SNTG1: variants seen among roughly 807,000 people sequenced by gnomAD.
The protein encoded by SNTG1 is gamma-1-syntrophin.
SNTG1 carries 39 observed loss-of-function variants against 74.7 expected under a neutral mutation model. The ratio of observed to expected loss-of-function variants is 0.52; its 90% CI spans 0.40 to 0.68. SNTG1 has a LOEUF of 0.68. SNTG1 is among the 30% of genes least tolerant of loss of function. SNTG1 has a pLI of 0.00. For missense variants in SNTG1, 685 were observed against 609.5 expected, an observed-to-expected ratio of 1.12 and a Z score of -1.30; for synonymous variants, 254 against 217.1, an observed-to-expected ratio of 1.17 and a Z score of -1.49.
intron 1 of SNTG1, among the ~76,000 whole-genome samples, chr8:50,143,365 C>T (rs1434949194): frequency 1.3e-5 from 2 of 152,112 alleles, no homozygotes; most frequent in Admixed American, 1.3e-4. Flanking sequence ...GTTCCTTATC[C>T]TCCCTTGGCA....
At chr8:50,163,416 T>TG (rs1435360418) in intron 1 of SNTG1, 2 of 139,622 alleles carry the variant, frequency 1.4e-5, no homozygotes, top group African/African-American at 5.5e-5. Context: ...TAATTCCAAG[T>TG]TTTTTTTTTT....
At chr8:50,151,252 G>A (rs2082058453) in intron 1 of SNTG1, among the ~76,000 whole-genome samples, 1 of 152,010 alleles carries the variant, frequency 6.6e-6, no homozygotes, top group East Asian at 1.9e-4. Context: ...GGAATTGGTG[G>A]TGATATCCCC....
At chr8:50,437,764 C>T (rs2093319327) in intron 4 of SNTG1, among the ~76,000 whole-genome samples, 1 of 152,160 alleles carries the variant, frequency 6.6e-6, no homozygotes, top group African/African-American at 2.4e-5. Context: ...TAGCATGCCT[C>T]CGCAGTAAGC....
At chr8:50,704,889 C>T in intron 16 of SNTG1, 137 bp downstream of exon 16, 1 of 1,022,320 alleles carries the variant, frequency 9.8e-7, no homozygotes, top group Non-Finnish European at 1.4e-6. Flanking sequence ...TATAATTAGC[C>T]ATTTTTGTTT....
At chr8:50,584,872 T>C (rs983553494) in intron 12 of SNTG1, among the ~76,000 whole-genome samples, 3 of 152,120 alleles carry the variant, frequency 2.0e-5, no homozygotes, top group South Asian at 2.1e-4. Flanking sequence ...TGCTGTGTTG[T>C]GCTGAACAGC....
chr8:50,711,265 T>A (rs1172265705), intron 17 of SNTG1, among the ~76,000 whole-genome samples: 2 of 152,206 alleles, frequency 1.3e-5, no homozygotes, highest in South Asian at 2.1e-4. Context: ...CTATTTTTTC[T>A]AAGTAATATG....
At chr8:50,733,840 G>C (rs1289189950) in intron 17 of SNTG1, among the ~76,000 whole-genome samples, 1 of 151,274 alleles carries the variant, frequency 6.6e-6, no homozygotes, top group Non-Finnish European at 1.5e-5. Flanking sequence ...ATACTATATA[G>C]CATTATGACT....
intron 13 of SNTG1, among the ~76,000 whole-genome samples, chr8:50,621,025 A>C (rs2094919524): frequency 6.6e-6 from 1 of 151,492 alleles, no homozygotes; most frequent in South Asian, 2.1e-4. Context: ...AAACAGAAAC[A>C]CATATAGTTA....
chr8:50,095,729 G>A (rs1300913749), intron 1 of SNTG1, among the ~76,000 whole-genome samples: 3 of 152,012 alleles, frequency 2.0e-5, no homozygotes, highest in African/African-American at 4.8e-5. Flanking sequence ...TTCTTTTAAA[G>A]TGCCTTTAAA....
At chr8:50,497,480 T>C (rs1389533864) in intron 8 of SNTG1, among the ~76,000 whole-genome samples, 1 of 152,014 alleles carries the variant, frequency 6.6e-6, no homozygotes, top group Non-Finnish European at 1.5e-5. Flanking sequence ...TAGAGTCACA[T>C]AATATTGATT....
intron 4 of SNTG1, among the ~76,000 whole-genome samples, chr8:50,420,889 G>A (rs2093073395): frequency 1.3e-5 from 2 of 151,796 alleles, no homozygotes; most frequent in Admixed American, 6.6e-5. Flanking sequence ...GCTTTGTGTG[G>A]TGGCACGTGC....
chr8:50,006,634 TCA>T lies in SNTG1; in HGVS notation c.-103+94405_-103+94406del, dbSNP rs1815266302. ...TGATTGTCTGGCTCTATTAGCTGTCTCACTTTTGAGCCTGTGAGGTGCTATTT... is the reference window on the plus strand; with the variant it reads ...TGATTGTCTGGCTCTATTAGCTGTCTCTTTTGAGCCTGTGAGGTGCTATTT... On this transcript the variant is annotated intron_variant, in intron 1 of 18. Transcript: ENST00000642720. Among the ~76,000 whole-genome samples, 5 of 152,322 alleles carry T rather than the reference TCA, an allele frequency of 3.3e-5. No individual in the cohort carries two copies. In the South Asian group the frequency reaches 1.0e-3, roughly 32 times the overall value.
chr8:50,602,644 C>A (rs150226871), intron 13 of SNTG1, among the ~76,000 whole-genome samples: 1,908 of 152,200 alleles, frequency 0.013, 45 homozygotes, highest in African/African-American at 0.042. Flanking sequence ...ACATCATTTT[C>A]TTTCATGTCG....
At chr8:50,333,687 C>A (rs544283017) in intron 2 of SNTG1, among the ~76,000 whole-genome samples, 31 of 152,284 alleles carry the variant, frequency 2.0e-4, no homozygotes, top group African/African-American at 7.0e-4. Context: ...ATGAGAATGG[C>A]GTTATCAGAG....
intron 1 of SNTG1, among the ~76,000 whole-genome samples, chr8:50,060,081 T>C (rs1220266656): frequency 6.6e-6 from 1 of 152,142 alleles, no homozygotes; most frequent in African/African-American, 2.4e-5. Context: ...TGGTTTTGAT[T>C]GGCATTTTCC....
chr8:50,737,722 G>A lies in SNTG1; in HGVS notation c.1285-14279G>A, dbSNP rs192414094. 3.0e-3 allele frequency among the ~76,000 whole-genome samples: 459 copies of A among 152,124 alleles called. 2 individuals carry two copies. The highest frequency in any genetic ancestry group is 0.011 in the African/African-American group (439 of 41,496). ...AAAGCTTGTCCACCATGATCACGTC[G>A]GCTTCATCCCTGGGACATAAGGCTG... On this transcript the variant is annotated intron_variant, in intron 17 of 18. Transcript: ENST00000642720.
At chr8:50,340,674 T>G (rs2091290107) in intron 2 of SNTG1, among the ~76,000 whole-genome samples, 1 of 151,876 alleles carries the variant, frequency 6.6e-6, no homozygotes, top group Non-Finnish European at 1.5e-5. Flanking sequence ...GGCAATGAGT[T>G]TATGGATACA....
At chr8:50,093,763 T>C (rs1015356426) in intron 1 of SNTG1, among the ~76,000 whole-genome samples, 1 of 152,066 alleles carries the variant, frequency 6.6e-6, no homozygotes, top group African/African-American at 2.4e-5. Context: ...TCCACATCCA[T>C]GGAGGAGTTT....
chr8:50,256,913 A>G (rs530347267), intron 2 of SNTG1, among the ~76,000 whole-genome samples: 1 of 152,274 alleles, frequency 6.6e-6, no homozygotes, highest in East Asian at 1.9e-4. Flanking sequence ...AATCTGTGAC[A>G]TTTGAGCCAG....
Sources: allele counts gnomAD v4.1 joint callset (sites outside exome capture counted in the v4.1 genomes callset), GRCh38; gene constraint gnomAD v4.1.1; transcripts MANE v1.5; gene names NCBI Gene and HGNC (gene_info 2026-07-23, HGNC 2026-07-21).